The following CEP41 variants were observed in gnomAD, a reference collection of about 807,000 sequenced individuals.
CEP41 encodes centrosomal protein of 41 kDa.
CEP41 carries 32 observed loss-of-function variants against 44.3 expected under a neutral mutation model. The ratio of observed to expected loss-of-function variants is 0.72; its 90% CI spans 0.54 to 0.97. The LOEUF (loss-of-function observed/expected upper bound fraction) is 0.97. CEP41 is among the 50% of genes least tolerant of loss of function. CEP41 has a pLI of 0.00. For synonymous variants in CEP41, 151 were observed against 168.5 expected (o/e 0.90, Z 0.80); for missense variants, 432 against 455.2 (o/e 0.95, Z 0.46).
At chr7:130,427,638 T>C (rs1554423997) in intron 2 of CEP41, among the ~76,000 whole-genome samples, 1 of 152,230 alleles carries the variant, frequency 6.6e-6, no homozygotes, top group Non-Finnish European at 1.5e-5. Context: ...TATTCCAAAA[T>C]AGAGGCTGAC....
chr7:130,398,838 C>G lies in CEP41; in HGVS notation c.*53G>C. 6.2e-7 allele frequency: 1 copy of G among 1,605,300 alleles called. No individual in the cohort carries two copies. Reference sequence around the variant, plus strand: ...GAAATGACCCAACTTGGGAAATGCTCAGGGGTTCTGAAAAGAGGAAGAACA... The same window carrying G: ...GAAATGACCCAACTTGGGAAATGCTGAGGGGTTCTGAAAAGAGGAAGAACA... On this transcript the variant is annotated 3_prime_UTR_variant, in exon 11 of 11. Coordinates refer to ENST00000223208, the MANE Select transcript of CEP41 (RefSeq NM_018718.3).
chr7:130,407,257 C>A (rs12706930), intron 5 of CEP41, among the ~76,000 whole-genome samples: 1,445 of 72,488 alleles, frequency 0.02, 14 homozygotes, highest in African/African-American at 0.04. Flanking sequence ...AGAGTAAACA[C>A]ACACACACAC....
chr7:130,404,891 G>A (rs1796963772), intron 5 of CEP41, among the ~76,000 whole-genome samples, 183 bp from the exon 6 acceptor site: 1 of 152,036 alleles, frequency 6.6e-6, no homozygotes, highest in Admixed American at 6.6e-5. Flanking sequence ...CCCTTTCAGG[G>A]GATCTGCAAG....
Position 130,397,325 on chromosome 7 carries a change from T to G in CEP41, c.*1566A>C. On this transcript the variant is annotated 3_prime_UTR_variant, in exon 11 of 11. Transcript: ENST00000223208. ...TGACATCTGAACAATGTCCCTGGTT[T>G]GTTTGATTTCTAAAGCATCGGAAAA... is the stretch of plus-strand genomic sequence containing the variant. 1 of 454,496 alleles carries G rather than the reference T, an allele frequency of 2.2e-6. No homozygotes were observed. The highest frequency in any genetic ancestry group is 4.4e-6 in the Non-Finnish European group (1 of 226,788). The allele number at this position is 454,496 out of a possible 1,614,324, so 28.2% of individuals were successfully genotyped here.
At chr7:130,428,897 T>A (rs1797743662) in intron 1 of CEP41, among the ~76,000 whole-genome samples, 1 of 151,062 alleles carries the variant, frequency 6.6e-6, no homozygotes, top group Non-Finnish European at 1.5e-5. Flanking sequence ...GGTGACAGAG[T>A]GAGACTCTGT....
intron 2 of CEP41, among the ~76,000 whole-genome samples, chr7:130,425,290 G>A (rs1406036676): frequency 1.3e-5 from 2 of 152,094 alleles, no homozygotes; most frequent in African/African-American, 2.4e-5. Flanking sequence ...GTGCGCACCC[G>A]TAATTCCAGC....
At chr7:130,431,797 G>T (rs781873583) in intron 1 of CEP41, among the ~76,000 whole-genome samples, 2 of 152,300 alleles carry the variant, frequency 1.3e-5, no homozygotes, top group Admixed American at 1.3e-4. Flanking sequence ...AACGATGCTG[G>T]AGAGGCAGCA....
intron 8 of CEP41, among the ~76,000 whole-genome samples, chr7:130,401,431 A>G: frequency 6.6e-6 from 1 of 151,312 alleles, no homozygotes; most frequent in East Asian, 1.9e-4. Context: ...AAAATATACT[A>G]ATAATGTAAT....
chr7:130,436,697 G>A (rs1162077413), intron 1 of CEP41, among the ~76,000 whole-genome samples: 3 of 149,296 alleles, frequency 2.0e-5, no homozygotes, highest in Admixed American at 6.7e-5. Context: ...GAAATAAAAC[G>A]TTTTTTAAAA....
At chr7:130,429,486 A>G (rs1488621362) in intron 1 of CEP41, among the ~76,000 whole-genome samples, 1 of 152,228 alleles carries the variant, frequency 6.6e-6, no homozygotes, top group Non-Finnish European at 1.5e-5. Flanking sequence ...CTTTTTGCTC[A>G]GGCCTTTTTC....
intron 5 of CEP41, among the ~76,000 whole-genome samples, chr7:130,410,074 G>A (rs1228170512): frequency 1.5e-5 from 2 of 136,362 alleles, no homozygotes; most frequent in African/African-American, 5.6e-5. Flanking sequence ...TGCCCAGGCT[G>A]GAGTGCAATG....
At chr7:130,420,940 T>C in intron 2 of CEP41, 1 of 983,038 alleles carries the variant, frequency 1.0e-6, no homozygotes, top group Non-Finnish European at 1.2e-6. Context: ...TATGTACAAC[T>C]TGACTTATAT....
At chr7:130,407,019 TAA>T (rs1195425757) in intron 5 of CEP41, among the ~76,000 whole-genome samples, 3 of 151,798 alleles carry the variant, frequency 2.0e-5, no homozygotes, top group African/African-American at 4.8e-5. Flanking sequence ...GAAATGATCC[TAA>T]ACTGAATGTA....
chr7:130,409,753 TAGG>T (rs1364900040), intron 5 of CEP41, among the ~76,000 whole-genome samples: 9 of 152,300 alleles, frequency 5.9e-5, no homozygotes, highest in Non-Finnish European at 8.8e-5. Context: ...AGAGTACAAC[TAGG>T]AGGTTTTATT....
Position 130,396,755 on chromosome 7 carries a change from G to C in CEP41, c.*2136C>G, listed in dbSNP as rs868979882. ...TGGTTATTTAAAATCCTTACCAACA[G>C]GGCAAAGCAAGCACTGTGGAGAAAT... is the stretch of plus-strand genomic sequence containing the variant. On this transcript the variant is annotated 3_prime_UTR_variant, in exon 11 of 11. Coordinates refer to ENST00000223208, the MANE Select transcript of CEP41 (RefSeq NM_018718.3). 1 of 454,280 alleles carries C rather than the reference G, an allele frequency of 2.2e-6. No homozygotes were observed. The highest frequency in any genetic ancestry group is 1.6e-5 in the South Asian group (1 of 64,476). The allele number at this position is 454,280 out of a possible 1,614,324, so 28.1% of individuals were successfully genotyped here.
At position 130,397,062 on chromosome 7, in the gene CEP41, A is replaced by G; in HGVS notation, c.*1829T>C. ...TTCCTTAAAAATGTATATGTGGCAA[A>G]AATGGCTGAAAATCTTGTCCATGCT... On this transcript the variant is annotated 3_prime_UTR_variant, in exon 11 of 11. Coordinates refer to ENST00000223208, the MANE Select transcript of CEP41 (RefSeq NM_018718.3). 1 of 454,534 alleles carries G rather than the reference A, an allele frequency of 2.2e-6. No individual in the cohort carries two copies. Among genetic ancestry groups the G allele is most frequent in the Non-Finnish European group, 4.4e-6 (1 of 226,800 alleles). The allele number at this position is 454,534 out of a possible 1,614,324, so 28.2% of individuals were successfully genotyped here.
In CEP41 at chr7:130,396,409, TA is replaced by T. The variant is rs1562972742; in HGVS notation, c.*2481del. On this transcript the variant is annotated 3_prime_UTR_variant, in exon 11 of 11. Transcript: ENST00000223208. ...GATTTCCTGATTCATTTATTTTTTT[TA>T]AAAAATGCTTTCCTAGGAGATGCAG... 2.2e-6 allele frequency: 1 copy of T among 454,266 alleles called. No homozygotes were observed. Among genetic ancestry groups the T allele is most frequent in the Non-Finnish European group, 4.4e-6 (1 of 226,774 alleles). 28.1% of individuals were successfully genotyped at this position (454,266 alleles called of 1,614,324 possible). A position where few individuals can be genotyped will look rare whatever the true frequency, so the allele number is the denominator to read the frequency against.
intron 10 of CEP41, chr7:130,399,484 A>T (rs1796776468): frequency 4.3e-6 from 1 of 234,478 alleles, no homozygotes; most frequent in Non-Finnish European, 8.4e-6. Flanking sequence ...TCTGATGCTT[A>T]ACTCCTCAAT....
In CEP41 at chr7:130,394,062, G is replaced by A; in HGVS notation, c.*4829C>T. ...GGCAAGCGGAGGAAAGTTTTCAAAA[G>A]AATCTCGGCTGACTAGGAGGGAAGG... is the stretch of plus-strand genomic sequence containing the variant. On this transcript the variant is annotated 3_prime_UTR_variant, in exon 11 of 11. Transcript: ENST00000223208. 1 of 454,038 alleles carries A rather than the reference G, an allele frequency of 2.2e-6. No individual in the cohort carries two copies. Among genetic ancestry groups the A allele is most frequent in the South Asian group, 1.6e-5 (1 of 64,460 alleles). 28.1% of individuals were successfully genotyped at this position (454,038 alleles called of 1,614,324 possible).
Sources: allele counts gnomAD v4.1 joint callset (sites outside exome capture counted in the v4.1 genomes callset), GRCh38; gene constraint gnomAD v4.1.1; transcripts MANE v1.5; gene names NCBI Gene and HGNC (gene_info 2026-07-23, HGNC 2026-07-21).